Variants in LIPA observed in about 807,000 individuals in gnomAD.
The protein encoded by LIPA is lysosomal acid lipase/cholesteryl ester hydrolase.
A neutral mutation model predicts 40.6 loss-of-function variants in LIPA; 26 were observed. The ratio of observed to expected loss-of-function variants is 0.64; its 90% CI spans 0.47 to 0.89. LIPA has a LOEUF of 0.89. Among genes scored for constraint, LIPA ranks in the 40% least tolerant of loss-of-function variants. The pLI, the probability that LIPA is intolerant of heterozygous loss-of-function variation, is 0.00. For missense variants in LIPA, 455 were observed against 479.6 expected (o/e 0.95, Z 0.48); for synonymous variants, 188 against 168.4 (o/e 1.12, Z -0.90).
intron 2 of LIPA, among the ~76,000 whole-genome samples, chr10:89,399,456 A>C (rs1399802576): frequency 6.6e-6 from 1 of 152,158 alleles, no homozygotes; most frequent in Non-Finnish European, 1.5e-5. Context: ...CAATTGCCAA[A>C]TCCAATGTTA....
At chr10:89,249,618 G>A (rs1284500176) in intron 1 of LIPA, among the ~76,000 whole-genome samples, 1 of 151,496 alleles carries the variant, frequency 6.6e-6, no homozygotes, top group African/African-American at 2.4e-5. Flanking sequence ...GCCAAAAGAA[G>A]CCAGATCAAA....
At chr10:89,300,057 A>G (rs2133516069) in intron 1 of LIPA, among the ~76,000 whole-genome samples, 1 of 152,332 alleles carries the variant, frequency 6.6e-6, no homozygotes, top group East Asian at 1.9e-4. Flanking sequence ...AAAATATTGT[A>G]TATATACACA....
At chr10:89,324,693 T>A (rs539011836) in intron 1 of LIPA, among the ~76,000 whole-genome samples, 1 of 152,234 alleles carries the variant, frequency 6.6e-6, no homozygotes, top group East Asian at 1.9e-4. Flanking sequence ...ACAGCTCCAT[T>A]AAAAAGTGGG....
chr10:89,268,314 A>C (rs542866946), intron 1 of LIPA, among the ~76,000 whole-genome samples: 1 of 152,250 alleles, frequency 6.6e-6, no homozygotes, highest in Non-Finnish European at 1.5e-5. Flanking sequence ...TTGTCTAGGG[A>C]CATCTCAAAT....
At chr10:89,329,855 G>A (rs1395460107) in intron 1 of LIPA, among the ~76,000 whole-genome samples, 4 of 152,114 alleles carry the variant, frequency 2.6e-5, no homozygotes, top group Non-Finnish European at 5.9e-5. Context: ...GGTGGGCTGA[G>A]TCCGAAAAGA....
intron 1 of LIPA, among the ~76,000 whole-genome samples, chr10:89,314,112 T>C (rs928975121): frequency 6.6e-6 from 1 of 152,232 alleles, no homozygotes; most frequent in Non-Finnish European, 1.5e-5. Flanking sequence ...TCTAAGTTTG[T>C]TTTCATTGTG....
intron 1 of LIPA, chr10:89,301,878 G>T (rs533985337): frequency 1.0e-5 from 4 of 398,700 alleles, no homozygotes; most frequent in African/African-American, 4.1e-5. Flanking sequence ...ACTCAGCTCC[G>T]GAGGAAAAAG....
At chr10:89,338,836 A>G (rs1843792973) in intron 1 of LIPA, 1 of 1,614,184 alleles carries the variant, frequency 6.2e-7, no homozygotes, top group Non-Finnish European at 8.5e-7. Context: ...GGCCTACATA[A>G]AACACCTAGA....
chr10:89,394,797 C>A (rs528429674), intron 2 of LIPA, among the ~76,000 whole-genome samples: 1 of 151,590 alleles, frequency 6.6e-6, no homozygotes, highest in Non-Finnish European at 1.5e-5. Context: ...GAACATTTTT[C>A]TCGCTATGTG....
At chr10:89,365,121 C>T (rs1844047925) in intron 2 of LIPA, among the ~76,000 whole-genome samples, 1 of 152,100 alleles carries the variant, frequency 6.6e-6, no homozygotes, top group South Asian at 2.1e-4. Flanking sequence ...GTGTAGAATT[C>T]CTTTCTAATT....
intron 2 of LIPA, among the ~76,000 whole-genome samples, chr10:89,356,974 G>A (rs1199476445): frequency 6.6e-6 from 1 of 152,138 alleles, no homozygotes; most frequent in Non-Finnish European, 1.5e-5. Context: ...AGAGGTTGGG[G>A]GATGGGGCTG....
intron 1 of LIPA, chr10:89,339,424 C>T (rs1400830369): frequency 1.2e-6 from 2 of 1,614,040 alleles, no homozygotes; most frequent in Non-Finnish European, 1.7e-6. Flanking sequence ...AAAAGGTGAC[C>T]TAGACAAAGC....
intron 1 of LIPA, among the ~76,000 whole-genome samples, chr10:89,269,687 T>C (rs556061937): frequency 9.2e-4 from 140 of 152,384 alleles, no homozygotes; most frequent in Non-Finnish European, 9.3e-4. Context: ...AATACAGCAA[T>C]GCAATTGTAG....
chr10:89,340,260 T>C, intron 1 of LIPA: 2 of 1,008,788 alleles, frequency 2.0e-6, no homozygotes, highest in Non-Finnish European at 2.8e-6. Flanking sequence ...AGGTACATTT[T>C]TAAAGAGTTG....
intron 2 of LIPA, among the ~76,000 whole-genome samples, chr10:89,395,525 A>G (rs1353515716): frequency 6.6e-6 from 1 of 152,072 alleles, no homozygotes; most frequent in Non-Finnish European, 1.5e-5. Context: ...CAACACACTC[A>G]AACTCTTCTT....
At chr10:89,291,066 TGGATGTA>T (rs1024312556) in intron 1 of LIPA, among the ~76,000 whole-genome samples, 1 of 152,218 alleles carries the variant, frequency 6.6e-6, no homozygotes, top group Admixed American at 6.5e-5. Context: ...TTGCAAAATA[TGGATGTA>T]GGATGTAGGA....
intron 1 of LIPA, among the ~76,000 whole-genome samples, chr10:89,282,555 G>T (rs555354366): frequency 6.6e-6 from 1 of 152,054 alleles, no homozygotes; most frequent in East Asian, 1.9e-4. Context: ...CAGGAGAATC[G>T]CTTGAACCCA....
At chr10:89,403,765 A>G (rs1844483193) in intron 2 of LIPA, 1 of 949,576 alleles carries the variant, frequency 1.1e-6, no homozygotes, top group African/African-American at 1.6e-5. Context: ...GCTAACATTT[A>G]CTAATCATCT....
At chr10:89,239,075 G>A (rs540088099) in intron 3 of LIPA, among the ~76,000 whole-genome samples, 2 of 152,152 alleles carry the variant, frequency 1.3e-5, no homozygotes, top group Non-Finnish European at 2.9e-5. Context: ...AATGTGACAG[G>A]CACCATGCTA....
Sources: allele counts gnomAD v4.1 joint callset (sites outside exome capture counted in the v4.1 genomes callset), GRCh38; gene constraint gnomAD v4.1.1; transcripts MANE v1.5; gene names NCBI Gene and HGNC (gene_info 2026-07-23, HGNC 2026-07-21).